Variants in LHFPL4 observed in about 807,000 individuals in gnomAD.
The protein encoded by LHFPL4 is LHFPL tetraspan subfamily member 4.
LHFPL4 carries 6 observed loss-of-function variants against 20.0 expected under a neutral mutation model. The observed-to-expected ratio is 0.30, with a 90% CI of 0.16 to 0.59. The LOEUF is 0.59. LHFPL4 is among the 20% of genes least tolerant of loss of function. The pLI is 0.88. For missense variants in LHFPL4, 215 were observed against 331.2 expected (o/e 0.65, Z 2.72); for synonymous variants, 129 against 143.8 (o/e 0.90, Z 0.74).
At chr3:9,508,568 A>C (rs1010422007) in intron 2 of LHFPL4, among the ~76,000 whole-genome samples, 1 of 152,180 alleles carries the variant, frequency 6.6e-6, no homozygotes, top group African/African-American at 2.4e-5. Context: ...TTAGGTATTT[A>C]AATCTCGAGG....
At chr3:9,549,032 T>G (rs2046535592) in intron 2 of LHFPL4, among the ~76,000 whole-genome samples, 2 of 152,212 alleles carry the variant, frequency 1.3e-5, no homozygotes, top group Non-Finnish European at 2.9e-5. Flanking sequence ...AACATCTGGA[T>G]CTGTCCATGC....
chr3:9,523,040 CAA>C (rs751625372), intron 2 of LHFPL4, among the ~76,000 whole-genome samples: 87 of 77,336 alleles, frequency 1.1e-3, no homozygotes, highest in Non-Finnish European at 1.3e-3. Flanking sequence ...GACTCCGTCT[CAA>C]AAAAAAAAAA....
chr3:9,505,856 G>A, intron 3 of LHFPL4, 111 bp downstream of exon 3: 1 of 1,068,202 alleles, frequency 9.4e-7, no homozygotes, highest in East Asian at 2.4e-5. Flanking sequence ...ACCACGCCCA[G>A]CCAGGGTTTC....
intron 2 of LHFPL4, among the ~76,000 whole-genome samples, chr3:9,540,871 A>G (rs1360681392): frequency 6.6e-6 from 1 of 151,906 alleles, no homozygotes; most frequent in African/African-American, 2.4e-5. Flanking sequence ...AGCCTGGGCG[A>G]CAGAGTGGGA....
At chr3:9,515,720 C>CTT (rs373869436) in intron 2 of LHFPL4, among the ~76,000 whole-genome samples, 13 of 143,190 alleles carry the variant, frequency 9.1e-5, no homozygotes, top group Non-Finnish European at 1.8e-4. Flanking sequence ...TCAGATATGT[C>CTT]TTTTTTTTTT....
chr3:9,515,183 T>C (rs1043446986), intron 2 of LHFPL4, among the ~76,000 whole-genome samples: 10 of 152,228 alleles, frequency 6.6e-5, no homozygotes, highest in Non-Finnish European at 1.3e-4. Context: ...GTTCTGGATG[T>C]TGGCCATTCT....
chr3:9,505,088 G>A (rs532891213), intron 3 of LHFPL4, among the ~76,000 whole-genome samples: 1 of 152,244 alleles, frequency 6.6e-6, no homozygotes, highest in South Asian at 2.1e-4. Context: ...TGGCCATTGG[G>A]CTGTTTATAG....
intron 2 of LHFPL4, among the ~76,000 whole-genome samples, chr3:9,536,305 C>T (rs1189261892): frequency 6.6e-6 from 1 of 152,218 alleles, no homozygotes; most frequent in Non-Finnish European, 1.5e-5. Flanking sequence ...GGAGACTGAG[C>T]TTCTCCTTTT....
chr3:9,533,910 TA>T (rs1179790833), intron 2 of LHFPL4, among the ~76,000 whole-genome samples: 75 of 146,720 alleles, frequency 5.1e-4, no homozygotes, highest in Admixed American at 6.2e-4. Flanking sequence ...TTTATGACTT[TA>T]AAAAAAAAAA....
chr3:9,551,931 C>T (rs2046557584), intron 2 of LHFPL4, among the ~76,000 whole-genome samples: 1 of 152,100 alleles, frequency 6.6e-6, no homozygotes, highest in African/African-American at 2.4e-5. Flanking sequence ...AGAAATTGAT[C>T]ATACCTACAG....
At chr3:9,551,743 T>C (rs2046555685) in intron 2 of LHFPL4, among the ~76,000 whole-genome samples, 1 of 152,110 alleles carries the variant, frequency 6.6e-6, no homozygotes, top group Non-Finnish European at 1.5e-5. Flanking sequence ...ATCACAGCAT[T>C]TTAAAGGTTA....
At chr3:9,517,034 C>A (rs1295709813) in intron 2 of LHFPL4, among the ~76,000 whole-genome samples, 2 of 151,292 alleles carry the variant, frequency 1.3e-5, no homozygotes, top group African/African-American at 4.9e-5. Context: ...GCCTGCCTCA[C>A]CCTCCCAAAG....
In LHFPL4 at chr3:9,506,154, G is replaced by A. The variant is rs148852325; in HGVS notation, c.456C>T (p.Ala152=). 3.0e-4 allele frequency: 488 copies of A among 1,614,032 alleles called. 1 individual carries two copies. Among genetic ancestry groups the A allele is most frequent in the Middle Eastern group, 3.3e-4 (2 of 6,084 alleles). The change falls in exon 3 of 4, where the codon GCC becomes GCT. Residue 152 remains alanine, a synonymous_variant. Transcript: ENST00000287585. This position sits in a 1 kb window ranked among gnomAD's most constrained non-coding sequence, Gnocchi z 4.5. ...GCMIFPDGWD[A]ETIRDMCGAK... ...CCCCACACATGTCCCGGATGGTCTCGGCATCCCAGCCATCAGGAAAGATCA... is the reference window on the plus strand; with the variant it reads ...CCCCACACATGTCCCGGATGGTCTCAGCATCCCAGCCATCAGGAAAGATCA...
chr3:9,537,040 C>G (rs771103007), intron 2 of LHFPL4, among the ~76,000 whole-genome samples: 1 of 152,118 alleles, frequency 6.6e-6, no homozygotes, highest in South Asian at 2.1e-4. Context: ...GAGCTATGAT[C>G]GTGCCACTGT....
intron 2 of LHFPL4, among the ~76,000 whole-genome samples, chr3:9,509,927 GC>G (rs1477056879): frequency 6.6e-6 from 1 of 152,172 alleles, no homozygotes; most frequent in East Asian, 1.9e-4. Context: ...AGGCTTTTGT[GC>G]TCCAAGCTCG....
intron 2 of LHFPL4, among the ~76,000 whole-genome samples, chr3:9,515,994 C>T (rs1171360868): frequency 1.3e-5 from 2 of 152,146 alleles, no homozygotes; most frequent in African/African-American, 4.8e-5. Flanking sequence ...GGACTATAGG[C>T]GTGAACCATG....
chr3:9,528,794 T>G (rs1574847824), intron 2 of LHFPL4, among the ~76,000 whole-genome samples: 2 of 151,898 alleles, frequency 1.3e-5, no homozygotes, highest in East Asian at 3.9e-4. Flanking sequence ...TTTGTATTTT[T>G]AGTAGAGATG....
At chr3:9,527,727 T>C (rs999861833) in intron 2 of LHFPL4, among the ~76,000 whole-genome samples, 1 of 151,722 alleles carries the variant, frequency 6.6e-6, no homozygotes, top group African/African-American at 2.4e-5. Flanking sequence ...ACAAAACCCA[T>C]ATACAGTAGA....
chr3:9,505,779 G>C (rs1319837451), intron 3 of LHFPL4, among the ~76,000 whole-genome samples, 188 bp downstream of exon 3: 2 of 151,584 alleles, frequency 1.3e-5, no homozygotes, highest in African/African-American at 4.9e-5. Context: ...GGCTACTCTT[G>C]AACTCCTGGG....
Sources: allele counts gnomAD v4.1 joint callset (sites outside exome capture counted in the v4.1 genomes callset), GRCh38; gene constraint gnomAD v4.1.1; non-coding constraint Gnocchi (gnomAD v3.1); transcripts MANE v1.5; gene names NCBI Gene and HGNC (gene_info 2026-07-23, HGNC 2026-07-21).